CLVS1: variants seen among roughly 807,000 people sequenced by gnomAD.
The protein encoded by CLVS1 is clavesin-1.
In CLVS1, 10 loss-of-function variants were observed where a neutral mutation model predicts 33.1. The observed-to-expected ratio is 0.30, with a 90% CI of 0.19 to 0.51. The LOEUF is 0.51. CLVS1 is among the 20% of genes least tolerant of loss of function. The probability of loss-of-function intolerance (pLI) is 0.97; values close to 1 mark genes in which losing one functional copy is unlikely to be tolerated. For synonymous variants in CLVS1, 163 were observed against 166.1 expected, an observed-to-expected ratio of 0.98 and a Z score of 0.14; for missense variants, 343 against 433.4, an observed-to-expected ratio of 0.79 and a Z score of 1.85.
At chr8:61,075,788 C>T (rs1804899118) in intron 1 of CLVS1, among the ~76,000 whole-genome samples, 1 of 152,172 alleles carries the variant, frequency 6.6e-6, no homozygotes, top group South Asian at 2.1e-4. Context: ...CTGCCTTTGC[C>T]TCCTCCCTTT....
At chr8:61,260,394 G>A (rs954547064) in intron 2 of CLVS1, among the ~76,000 whole-genome samples, 2 of 152,208 alleles carry the variant, frequency 1.3e-5, no homozygotes, top group Non-Finnish European at 2.9e-5. Context: ...AAAGCAAACA[G>A]CAAACACATA....
At chr8:61,232,020 GT>G (rs1563454979) in intron 2 of CLVS1, among the ~76,000 whole-genome samples, 3 of 38,772 alleles carry the variant, frequency 7.7e-5, no homozygotes, top group African/African-American at 4.0e-4. Flanking sequence ...GAGGAAAGTT[GT>G]GGTTTTTTTT....
chr8:61,097,282 A>G (rs942253444), intron 1 of CLVS1, among the ~76,000 whole-genome samples: 1 of 151,838 alleles, frequency 6.6e-6, no homozygotes, highest in Admixed American at 6.6e-5. Context: ...ACAGAGTGAG[A>G]CTCCATCTCA....
chr8:61,102,792 GA>G (rs1477026162), intron 1 of CLVS1, among the ~76,000 whole-genome samples: 1 of 152,178 alleles, frequency 6.6e-6, no homozygotes, highest in African/African-American at 2.4e-5. Context: ...ACAGGGAAAA[GA>G]AAGAGAAGTG....
chr8:61,436,245 T>C (rs1816326133), intron 3 of CLVS1, among the ~76,000 whole-genome samples: 1 of 152,164 alleles, frequency 6.6e-6, no homozygotes, highest in Non-Finnish European at 1.5e-5. Context: ...CTGCAATGTA[T>C]CTCATCTTAA....
chr8:61,468,709 A>G (rs1311933188), intron 5 of CLVS1, among the ~76,000 whole-genome samples: 4 of 117,776 alleles, frequency 3.4e-5, no homozygotes, highest in Admixed American at 1.9e-4. Flanking sequence ...CATATAAGTA[A>G]AAGTACTAAA....
chr8:61,261,996 G>GTGTGTGTA (rs1554551269), intron 2 of CLVS1, among the ~76,000 whole-genome samples: 5 of 140,668 alleles, frequency 3.6e-5, no homozygotes, highest in African/African-American at 1.3e-4. Flanking sequence ...GTGTGTGTGT[G>GTGTGTGTA]TGTGTGTGTG....
intron 4 of CLVS1, 58 bp downstream of exon 4, chr8:61,454,309 C>A (rs1046247322): frequency 8.5e-7 from 1 of 1,174,702 alleles, no homozygotes; most frequent in Non-Finnish European, 1.3e-6. Context: ...CTTCTATTTT[C>A]TCTCTCCCCT....
At chr8:61,312,960 CA>C (rs1456809326) in intron 2 of CLVS1, among the ~76,000 whole-genome samples, 1 of 152,146 alleles carries the variant, frequency 6.6e-6, no homozygotes, top group Non-Finnish European at 1.5e-5. Context: ...CATTTTGGCA[CA>C]TAAAACCTTA....
At chr8:61,187,181 G>A (rs1042638685) in intron 2 of CLVS1, among the ~76,000 whole-genome samples, 1 of 151,878 alleles carries the variant, frequency 6.6e-6, no homozygotes, top group African/African-American at 2.4e-5. Context: ...AGCATTTTGG[G>A]TTTGAGGTGA....
intron 2 of CLVS1, among the ~76,000 whole-genome samples, chr8:61,359,119 C>T (rs756738997): frequency 7.2e-5 from 11 of 152,106 alleles, no homozygotes; most frequent in Middle Eastern, 3.2e-3. Flanking sequence ...TTGCTGATTA[C>T]GGTTTATTAT....
chr8:61,075,623 T>C (rs974823847), intron 1 of CLVS1, among the ~76,000 whole-genome samples: 7 of 152,250 alleles, frequency 4.6e-5, no homozygotes, highest in African/African-American at 7.2e-5. Context: ...ATTATGATTG[T>C]CTGATAAATA....
chr8:61,499,825 A>C lies in CLVS1; in HGVS notation c.*283A>C, dbSNP rs1804503226. ...CCTCCTTTCATATTTATTGTAGTAA[A>C]TTGAAAAAATAAAGACTAAATTTGA... is the stretch of plus-strand genomic sequence containing the variant. On this transcript the variant is annotated 3_prime_UTR_variant, in exon 6 of 6. Transcript: ENST00000325897. The C allele has an allele frequency of 2.9e-5, 7 of 245,316 alleles. No homozygotes were observed. The South Asian group carries it at 7.6e-4, about 27-fold the overall frequency. The allele number at this position is 245,316 out of a possible 1,614,324, so 15.2% of individuals were successfully genotyped here. A position where few individuals can be genotyped will look rare whatever the true frequency, so the allele number is the denominator to read the frequency against.
chr8:61,298,181 T>C (rs893225923), intron 1 of CLVS1, among the ~76,000 whole-genome samples: 10 of 151,676 alleles, frequency 6.6e-5, no homozygotes, highest in African/African-American at 2.4e-4. Flanking sequence ...TGAAAGGGCT[T>C]TTGGAGAAGG....
At chr8:61,460,846 G>A (rs1266693675) in intron 5 of CLVS1, among the ~76,000 whole-genome samples, 1 of 152,188 alleles carries the variant, frequency 6.6e-6, no homozygotes, top group African/African-American at 2.4e-5. Flanking sequence ...CTTTGCCTGT[G>A]CTTTGATTTC....
At chr8:61,191,307 C>T (rs1222100731) in intron 2 of CLVS1, among the ~76,000 whole-genome samples, 1 of 152,128 alleles carries the variant, frequency 6.6e-6, no homozygotes, top group African/African-American at 2.4e-5. Context: ...CAGAAAAGGC[C>T]TTTGACAAAA....
intron 1 of CLVS1, among the ~76,000 whole-genome samples, chr8:61,060,694 C>T (rs548563266): frequency 3.3e-5 from 5 of 152,078 alleles, no homozygotes; most frequent in Non-Finnish European, 7.4e-5. Flanking sequence ...GAGTTATTAT[C>T]GGGGCATGGA....
chr8:61,331,137 T>C (rs1811576727), intron 2 of CLVS1, among the ~76,000 whole-genome samples: 1 of 152,110 alleles, frequency 6.6e-6, no homozygotes, highest in African/African-American at 2.4e-5. Flanking sequence ...TGGTATCAAA[T>C]TTGTAGGTTG....
intron 2 of CLVS1, among the ~76,000 whole-genome samples, chr8:61,272,640 G>A (rs1311630010): frequency 4.6e-5 from 7 of 152,276 alleles, no homozygotes; most frequent in South Asian, 4.2e-4. Flanking sequence ...CCAATCAGAC[G>A]TAGATTTGGT....
Sources: gnomAD v4.1 joint callset for allele counts (sites outside exome capture counted in the v4.1 genomes callset) on GRCh38, gnomAD v4.1.1 for gene constraint, MANE v1.5 for transcripts, NCBI Gene and HGNC (gene_info 2026-07-23, HGNC 2026-07-21) for gene names.